Variants in DLC1 observed in about 807,000 individuals in gnomAD.
DLC1 encodes the protein rho GTPase-activating protein 7.
Under a neutral mutation model 140.3 loss-of-function variants are expected in DLC1, and 54 were observed. The ratio of observed to expected loss-of-function variants is 0.38; its 90% CI spans 0.31 to 0.48. DLC1 has a LOEUF of 0.48. DLC1 is among the 20% of genes least tolerant of loss of function. The probability of loss-of-function intolerance (pLI) is 0.96; values close to 1 mark genes in which losing one functional copy is unlikely to be tolerated. For missense variants in DLC1, 2,536 were observed against 1,907.0 expected (o/e 1.33, Z -6.14); for synonymous variants, 986 against 728.1 (o/e 1.35, Z -5.70).
intron 5 of DLC1, among the ~76,000 whole-genome samples, chr8:13,280,316 A>T (rs1831322288): frequency 6.7e-6 from 1 of 149,610 alleles, no homozygotes; most frequent in South Asian, 2.1e-4. Flanking sequence ...AAAAAGAAAA[A>T]TGAGAATAAT....
At chr8:13,537,567 C>A (rs1292946063) in intron 1 of DLC1, among the ~76,000 whole-genome samples, 1 of 150,962 alleles carries the variant, frequency 6.6e-6, no homozygotes, top group Non-Finnish European at 1.5e-5. Context: ...AGGATCAGTG[C>A]AGAGTGACAG....
intron 2 of DLC1, among the ~76,000 whole-genome samples, chr8:13,426,705 T>A (rs1838598443): frequency 6.6e-6 from 1 of 152,134 alleles, no homozygotes; most frequent in Non-Finnish European, 1.5e-5. Context: ...CGCAGATCTG[T>A]GTTCTTTCCA....
At chr8:13,244,504 G>C in intron 5 of DLC1, among the ~76,000 whole-genome samples, 1 of 151,812 alleles carries the variant, frequency 6.6e-6, no homozygotes, top group East Asian at 1.9e-4. Flanking sequence ...TTGTTATGTT[G>C]CACGGGCTGG....
intron 5 of DLC1, among the ~76,000 whole-genome samples, chr8:13,120,709 G>C (rs866129827): frequency 6.6e-6 from 1 of 152,160 alleles, no homozygotes; most frequent in Non-Finnish European, 1.5e-5. Context: ...GGAGGAAACA[G>C]GAAATTTTTA....
At chr8:13,445,665 T>TTTA (rs1178067163) in intron 2 of DLC1, among the ~76,000 whole-genome samples, 3 of 152,124 alleles carry the variant, frequency 2.0e-5, no homozygotes, top group African/African-American at 7.2e-5. Context: ...TAACTGAACT[T>TTTA]TATTATAGGG....
chr8:13,414,480 T>A (rs1238536579), intron 2 of DLC1, among the ~76,000 whole-genome samples: 1 of 152,174 alleles, frequency 6.6e-6, no homozygotes, highest in African/African-American at 2.4e-5. Context: ...TTCCTATGAC[T>A]CATCGGGATT....
intron 2 of DLC1, among the ~76,000 whole-genome samples, chr8:13,463,190 A>G (rs887650890): frequency 2.0e-5 from 3 of 152,004 alleles, no homozygotes; most frequent in Admixed American, 6.6e-5. Flanking sequence ...CTTACCTATC[A>G]TAGTAACTAG....
At chr8:13,421,405 C>T (rs1838316393) in intron 2 of DLC1, among the ~76,000 whole-genome samples, 1 of 152,190 alleles carries the variant, frequency 6.6e-6, no homozygotes, top group South Asian at 2.1e-4. Flanking sequence ...TCTACTAAGT[C>T]CTAATCTTTA....
intron 5 of DLC1, among the ~76,000 whole-genome samples, chr8:13,137,497 T>C (rs946206859): frequency 1.3e-5 from 2 of 151,962 alleles, no homozygotes; most frequent in Non-Finnish European, 2.9e-5. Flanking sequence ...TTATTTGTTC[T>C]CCATGGCAGA....
chr8:13,262,109 G>T (rs758905970), intron 5 of DLC1, among the ~76,000 whole-genome samples: 1 of 152,248 alleles, frequency 6.6e-6, no homozygotes, highest in East Asian at 1.9e-4. Flanking sequence ...GTAAGGGACA[G>T]TGTGAGTTCT....
At chr8:13,276,392 G>A (rs1387717287) in intron 5 of DLC1, 2 of 1,493,698 alleles carry the variant, frequency 1.3e-6, no homozygotes, top group South Asian at 1.2e-5. Flanking sequence ...GGGCCTTGGG[G>A]TCCCCCATCC....
chr8:13,136,717 T>A (rs1277759577), intron 5 of DLC1, among the ~76,000 whole-genome samples: 1 of 152,172 alleles, frequency 6.6e-6, no homozygotes, highest in Non-Finnish European at 1.5e-5. Context: ...GTATTTTTTG[T>A]AGAGACAGGG....
chr8:13,241,060 G>C (rs896374112), intron 5 of DLC1, among the ~76,000 whole-genome samples: 11 of 152,172 alleles, frequency 7.2e-5, no homozygotes, highest in African/African-American at 2.4e-4. Flanking sequence ...AAGGGGAGCA[G>C]CTGAGCTTTG....
intron 14 of DLC1, among the ~76,000 whole-genome samples, chr8:13,090,983 T>G (rs1818014611): frequency 6.6e-6 from 1 of 151,784 alleles, no homozygotes; most frequent in Non-Finnish European, 1.5e-5. Context: ...TTTTAAATTT[T>G]TTTTTGTAGA....
chr8:13,214,409 C>G (rs113307822), intron 5 of DLC1: 4 of 434,014 alleles, frequency 9.2e-6, no homozygotes, highest in African/African-American at 4.0e-5. Context: ...CTCCTATTTG[C>G]TTGGTCTGAA....
Position 13,401,595 on chromosome 8 carries a change from C to A in DLC1, c.1048G>T (p.Ala350Ser), listed in dbSNP as rs766256997. The stretch of plus-strand genomic sequence containing the variant: ...AGCAGCACCATGGAGTCCAGCCGCG[C>A]CCTATCTCGATCTTCTCTTATTTCC... ...RKEIREDRDR[A>S]RLDSMVLLIM... Residue 350 changes from alanine to serine, a missense_variant, in exon 3 of 18, where the codon GCG (alanine) becomes TCG (serine). Coordinates refer to ENST00000276297, the MANE Select transcript of DLC1 (RefSeq NM_182643.3). The A allele has an allele frequency of 1.2e-6, 2 of 1,613,626 alleles. No homozygotes were observed. Among genetic ancestry groups the A allele is most frequent in the African/African-American group, 1.3e-5 (1 of 75,014 alleles).
chr8:13,432,573 T>C (rs965111645), intron 2 of DLC1, among the ~76,000 whole-genome samples: 1 of 152,176 alleles, frequency 6.6e-6, no homozygotes, highest in Admixed American at 6.6e-5. Flanking sequence ...CTAAATCAAT[T>C]TTAAGGTTGA....
chr8:13,439,642 G>A (rs190443841), intron 2 of DLC1, among the ~76,000 whole-genome samples: 59 of 152,054 alleles, frequency 3.9e-4, no homozygotes, highest in African/African-American at 1.2e-3. Context: ...ATAAAATCTA[G>A]ACCAGTTATT....
intron 2 of DLC1, among the ~76,000 whole-genome samples, chr8:13,482,898 A>G (rs1800799900): frequency 6.6e-6 from 1 of 152,216 alleles, no homozygotes; most frequent in African/African-American, 2.4e-5. Flanking sequence ...CCTGTCTTCA[A>G]GGAATTTACA....
Sources: allele counts gnomAD v4.1 joint callset (sites outside exome capture counted in the v4.1 genomes callset), GRCh38; gene constraint gnomAD v4.1.1; transcripts MANE v1.5; gene names NCBI Gene and HGNC (gene_info 2026-07-23, HGNC 2026-07-21).